MMP26: variants seen among roughly 807,000 people sequenced by gnomAD.
MMP26 encodes matrix metalloproteinase-26.
A neutral mutation model predicts 31.0 loss-of-function variants in MMP26; 33 were observed. The ratio of observed to expected loss-of-function variants is 1.06; its 90% CI spans 0.81 to 1.42. The LOEUF is 1.42. Ranked by LOEUF, MMP26 falls within the 40% of genes most tolerant of loss-of-function variation. The pLI is 0.00. For synonymous variants in MMP26, 122 were observed against 114.9 expected, an observed-to-expected ratio of 1.06 and a Z score of -0.40; for missense variants, 347 against 316.1, an observed-to-expected ratio of 1.10 and a Z score of -0.74.
chr11:4,942,155 G>A (rs907736398), intron 2 of MMP26, among the ~76,000 whole-genome samples: 6 of 145,748 alleles, frequency 4.1e-5, no homozygotes, highest in African/African-American at 1.5e-4. Flanking sequence ...GAACATGCCT[G>A]ATAAAAATTG....
chr11:4,907,543 C>A, intron 2 of MMP26: 1 of 1,614,070 alleles, frequency 6.2e-7, no homozygotes, highest in Non-Finnish European at 8.5e-7. Flanking sequence ...TTCATGAGCC[C>A]ATGTATTATT....
At chr11:4,740,167 A>T (rs1448146171) in intron 1 of MMP26, among the ~76,000 whole-genome samples, 2 of 148,280 alleles carry the variant, frequency 1.3e-5, no homozygotes, top group African/African-American at 5.1e-5. Flanking sequence ...AATATAAAAA[A>T]TAAAAATAAG....
chr11:4,707,208 A>G (rs1386457246), intron 1 of MMP26, among the ~76,000 whole-genome samples: 2 of 152,128 alleles, frequency 1.3e-5, no homozygotes, highest in East Asian at 1.9e-4. Flanking sequence ...GTTTTTTATA[A>G]TAAGTATTTT....
chr11:4,980,458 A>G lies in MMP26; in HGVS notation c.-144-7610A>G, dbSNP rs182643438. On this transcript the variant is annotated intron_variant, in intron 2 of 7. Transcript: ENST00000380390. ...ATACAATGTATATATTGAACACTTGACTGCAAGCAAAGAACAAAATATAGG... is the reference window on the plus strand; with the variant it reads ...ATACAATGTATATATTGAACACTTGGCTGCAAGCAAAGAACAAAATATAGG... Among the ~76,000 whole-genome samples the G allele has an allele frequency of 2.8e-3, 423 of 152,228 alleles. 2 individuals carry two copies. The highest frequency in any genetic ancestry group is 4.6e-3 in the Non-Finnish European group (313 of 67,998).
chr11:4,908,105 G>T, intron 2 of MMP26: 1 of 1,614,032 alleles, frequency 6.2e-7, no homozygotes. Context: ...CCACATCTGT[G>T]CTGTGCTCAC....
At chr11:4,866,242 A>G (rs1850232611) in intron 2 of MMP26, among the ~76,000 whole-genome samples, 1 of 152,210 alleles carries the variant, frequency 6.6e-6, no homozygotes, top group Non-Finnish European at 1.5e-5. Context: ...GATCAGTGGC[A>G]ACACTTAGTG....
chr11:4,822,949 G>A lies in MMP26; in HGVS notation c.-145+55608G>A, dbSNP rs934054526. Among the ~76,000 whole-genome samples the A allele has an allele frequency of 1.1e-4, 16 of 152,246 alleles. No homozygotes were observed. The South Asian group carries it at 2.7e-3, about 26-fold the overall frequency. Reference sequence around the variant, plus strand: ...TCAGCATCAGTTACTGCTGCTGTTAGCTGAAGAGTTAAAAGTTGGTAATTA... The same window carrying A: ...TCAGCATCAGTTACTGCTGCTGTTAACTGAAGAGTTAAAAGTTGGTAATTA... On this transcript the variant is annotated intron_variant, in intron 2 of 7. Transcript: ENST00000380390.
chr11:4,746,511 G>A (rs933388997), intron 1 of MMP26, among the ~76,000 whole-genome samples: 1 of 152,074 alleles, frequency 6.6e-6, no homozygotes. Flanking sequence ...TACAGTAGGC[G>A]CTAAATACAT....
intron 2 of MMP26, among the ~76,000 whole-genome samples, chr11:4,928,254 G>A (rs1851300771): frequency 6.6e-6 from 1 of 151,926 alleles, no homozygotes; most frequent in African/African-American, 2.4e-5. Context: ...ATATAATTTG[G>A]TTTGAGTTTA....
intron 2 of MMP26, among the ~76,000 whole-genome samples, chr11:4,909,809 G>C (rs1270821131): frequency 1.3e-5 from 2 of 152,052 alleles, no homozygotes; most frequent in Non-Finnish European, 2.9e-5. Flanking sequence ...ACAAGATAAT[G>C]GCAAGGCTCT....
At chr11:4,864,362 T>C (rs1442384662) in intron 2 of MMP26, among the ~76,000 whole-genome samples, 1 of 152,128 alleles carries the variant, frequency 6.6e-6, no homozygotes, top group Non-Finnish European at 1.5e-5. Flanking sequence ...CTTAAACTGT[T>C]CACAGACCCT....
chr11:4,787,589 T>A (rs1848965988), intron 2 of MMP26: 1 of 152,280 alleles, frequency 6.6e-6, no homozygotes, highest in South Asian at 2.1e-4. Context: ...CCCACTATTG[T>A]CCAACATCTA....
In MMP26 at chr11:4,729,403, A is replaced by G. The variant is rs148227743; in HGVS notation, c.-217+24358A>G. Among the ~76,000 whole-genome samples, 1,412 of 152,268 alleles carry G rather than the reference A, an allele frequency of 9.3e-3. 19 individuals carry two copies. Among genetic ancestry groups the G allele is most frequent in the African/African-American group, 0.032 (1,315 of 41,526 alleles). ...AGCTCAGGAGCTGTGACACCCTGAC[A>G]GAAGGTGGAAATGTGGAGAAAATGC... On this transcript the variant is annotated intron_variant, in intron 1 of 7. Transcript: ENST00000380390.
chr11:4,732,150 C>T (rs1050856694), intron 1 of MMP26, among the ~76,000 whole-genome samples: 2 of 152,156 alleles, frequency 1.3e-5, no homozygotes, highest in Non-Finnish European at 2.9e-5. Context: ...ACTGAACCAT[C>T]CCATTGAATT....
intron 2 of MMP26, among the ~76,000 whole-genome samples, chr11:4,968,321 G>A (rs1846622507): frequency 6.6e-6 from 1 of 151,968 alleles, no homozygotes; most frequent in South Asian, 2.1e-4. Flanking sequence ...ATGAAATTTA[G>A]CAAGCAAAAT....
chr11:4,977,820 G>A (rs909839135), intron 2 of MMP26, among the ~76,000 whole-genome samples: 5 of 151,994 alleles, frequency 3.3e-5, no homozygotes, highest in African/African-American at 1.2e-4. Flanking sequence ...TTAGATTCCT[G>A]TACCCTTAGC....
chr11:4,977,144 CAT>C (rs1846749071), intron 2 of MMP26, among the ~76,000 whole-genome samples: 1 of 151,270 alleles, frequency 6.6e-6, no homozygotes, highest in African/African-American at 2.5e-5. Context: ...TTGTGTTACT[CAT>C]ATTTGTCTTT....
At position 4,991,966 on chromosome 11, in the gene MMP26, T is replaced by C. The variant is rs1445599319; in HGVS notation, c.598T>C (p.Tyr200His). Reference sequence around the variant, plus strand: ...TTTTTTTTTCTATAATTTTTCAGGATATAATCTGTTCCTGGTTGCAACTCA... The same window carrying C: ...TTTTTTTTTCTATAATTTTTCAGGACATAATCTGTTCCTGGTTGCAACTCA... ...NEHWSASDTG[Y>H]NLFLVATHEI... Residue 200 changes from tyrosine (Y) to histidine (H), a missense_variant and splice_region_variant, in exon 7 of 8, where the codon TAT (tyrosine) becomes CAT (histidine). Tyr to His is a moderately conservative substitution (Grantham distance 83). Transcript: ENST00000380390. The C allele has an allele frequency of 6.9e-6, 11 of 1,592,536 alleles. No individual in the cohort carries two copies. Among genetic ancestry groups the C allele is most frequent in the Non-Finnish European group, 6.8e-6 (8 of 1,174,162 alleles).
chr11:4,944,513 G>A (rs929287377), intron 2 of MMP26: 1 of 154,284 alleles, frequency 6.5e-6, no homozygotes, highest in African/African-American at 2.4e-5. Context: ...CATTAATTGT[G>A]AAGTACGGTC....
Sources: allele counts gnomAD v4.1 joint callset (sites outside exome capture counted in the v4.1 genomes callset), GRCh38; gene constraint gnomAD v4.1.1; transcripts MANE v1.5; gene names NCBI Gene and HGNC (gene_info 2026-07-23, HGNC 2026-07-21).